Variants in HERC1 observed in about 807,000 individuals in gnomAD.
HERC1 encodes HECT and RLD domain containing E3 ubiquitin protein ligase family member 1, also known as probable E3 ubiquitin-protein ligase HERC1.
Under a neutral mutation model 554.3 loss-of-function variants are expected in HERC1, and 160 were observed. That is an observed-to-expected ratio of 0.29 (90% confidence interval 0.25 to 0.33). HERC1 has a LOEUF of 0.33. HERC1 is among the 10% of genes least tolerant of loss of function. The pLI is 1.00. For missense variants in HERC1, 4,919 were observed against 5,918.5 expected (o/e 0.83, Z 5.54); for synonymous variants, 2,175 against 2,131.7 (o/e 1.02, Z -0.56).
Position 63,690,573 on chromosome 15 carries a change from C to G in HERC1, c.5905G>C (p.Glu1969Gln), listed in dbSNP as rs1198362396. 2 of 1,612,758 alleles carry G rather than the reference C, an allele frequency of 1.2e-6. No homozygotes were observed. Among genetic ancestry groups the G allele is most frequent in the Non-Finnish European group, 1.7e-6 (2 of 1,179,120 alleles). Residue 1969 changes from glutamate (E) to glutamine (Q), a missense_variant, in exon 32 of 78, where the codon GAA becomes CAA. Coordinates refer to ENST00000443617, the MANE Select transcript of HERC1 (RefSeq NM_003922.4). Reference sequence around the variant, plus strand: ...ATTTGATCATCTTCTACACCAGATTCACAAGCTGGCAGCACAGCTTCAAGG... The same window carrying G: ...ATTTGATCATCTTCTACACCAGATTGACAAGCTGGCAGCACAGCTTCAAGG... ...HVLEAVLPAC[E>Q]SGVEDDQMAQ...
Position 63,661,526 on chromosome 15 carries a change from G to T in HERC1, c.9170+227C>A, listed in dbSNP as rs539751238. Among the ~76,000 whole-genome samples, 143 of 152,318 alleles carry T rather than the reference G, an allele frequency of 9.4e-4. 1 individual carries two copies. The highest frequency in any genetic ancestry group is 3.4e-3 in the African/African-American group (140 of 41,578). ...GGTCCTGACCATTACTTGCCAACAA[G>T]TCAGAGGTTAACACAGTCAAACTCC... is the stretch of plus-strand genomic sequence containing the variant. On this transcript the variant is annotated intron_variant, in intron 45 of 77. Coordinates refer to ENST00000443617, the MANE Select transcript of HERC1 (RefSeq NM_003922.4).
intron 1 of HERC1, among the ~76,000 whole-genome samples, chr15:63,824,009 T>G (rs1263596882): frequency 6.6e-6 from 1 of 152,154 alleles, no homozygotes; most frequent in African/African-American, 2.4e-5. Context: ...GAATAGATAT[T>G]TCTCCAAATA....
chr15:63,767,189 G>A (rs2075808522), intron 2 of HERC1, among the ~76,000 whole-genome samples: 1 of 150,394 alleles, frequency 6.6e-6, no homozygotes, highest in African/African-American at 2.4e-5. Context: ...TTTTAGTAGA[G>A]ACAGGGTTTC....
At chr15:63,773,937 T>C (rs1051931619) in intron 2 of HERC1, among the ~76,000 whole-genome samples, 6 of 152,338 alleles carry the variant, frequency 3.9e-5, no homozygotes, top group Admixed American at 3.3e-4. Context: ...TATACTACGC[T>C]ATTTTATTAT....
intron 3 of HERC1, among the ~76,000 whole-genome samples, chr15:63,759,821 G>C (rs980191939): frequency 1.3e-5 from 2 of 152,192 alleles, no homozygotes; most frequent in Non-Finnish European, 2.9e-5. Flanking sequence ...AGAGGATAGG[G>C]TCATCTTGGT....
intron 74 of HERC1, among the ~76,000 whole-genome samples, chr15:63,621,378 T>G (rs1181970203): frequency 6.6e-6 from 1 of 152,230 alleles, no homozygotes; most frequent in Non-Finnish European, 1.5e-5. Flanking sequence ...TAGTCTGATG[T>G]GCTTCCCTTT....
intron 76 of HERC1, among the ~76,000 whole-genome samples, chr15:63,614,551 C>A (rs2067734680): frequency 6.6e-6 from 1 of 152,062 alleles, no homozygotes; most frequent in African/African-American, 2.4e-5. Context: ...GGGACTTGGC[C>A]CAAAGTCTAA....
At chr15:63,630,358 G>T in intron 69 of HERC1, 108 bp downstream of exon 69, 1 of 1,076,058 alleles carries the variant, frequency 9.3e-7, no homozygotes, top group Non-Finnish European at 1.4e-6. Context: ...TGATGTGCTT[G>T]GAGTATTGCA....
rs1459336649 is a variant in HERC1, at chr15:63,718,857, G to A, written c.3783C>T (p.Asp1261=). The change falls in exon 20 of 78, where the codon GAC becomes GAT. Residue 1261 remains aspartate (D), a synonymous_variant. Transcript: ENST00000443617. This position sits in a 1 kb window ranked among gnomAD's most constrained non-coding sequence, Gnocchi z 4.2. ...SATLSNESLL[D]TVSRFVLAAL... ...CTGCAAGAACAAATCTAGACACAGTGTCCAAGAGTGACTCATTACTTAAAG... is the reference window on the plus strand; with the variant it reads ...CTGCAAGAACAAATCTAGACACAGTATCCAAGAGTGACTCATTACTTAAAG... 1 of 1,612,702 alleles carries A rather than the reference G, an allele frequency of 6.2e-7. No individual in the cohort carries two copies. Among genetic ancestry groups the A allele is most frequent in the East Asian group, 2.2e-5 (1 of 44,830 alleles).
Position 63,716,541 on chromosome 15 carries a change from C to T in HERC1, c.3979-68G>A, listed in dbSNP as rs569288513. The T allele has an allele frequency of 1.4e-5, 18 of 1,293,496 alleles. No homozygotes were observed. The East Asian group carries it at 3.8e-4, about 28-fold the overall frequency. The allele number at this position is 1,293,496 out of a possible 1,614,324, so 80.1% of individuals were successfully genotyped here. A position where few individuals can be genotyped will look rare whatever the true frequency, so the allele number is the denominator to read the frequency against. ...AAAATCTTTTTAAAACTTTAAAAAACCTTTAATTTTTTATCATGGAAAATA... is the reference window on the plus strand; with the variant it reads ...AAAATCTTTTTAAAACTTTAAAAAATCTTTAATTTTTTATCATGGAAAATA... On this transcript the variant is annotated intron_variant, in intron 21 of 77. Transcript: ENST00000443617.
chr15:63,722,009 C>T (rs894790557), intron 19 of HERC1, among the ~76,000 whole-genome samples: 3 of 152,078 alleles, frequency 2.0e-5, no homozygotes, highest in East Asian at 3.9e-4. Context: ...TACAGGCACA[C>T]GCCTCCATGA....
chr15:63,744,865 C>T (rs1017710148), intron 12 of HERC1, among the ~76,000 whole-genome samples: 1 of 152,192 alleles, frequency 6.6e-6, no homozygotes, highest in African/African-American at 2.4e-5. Flanking sequence ...TGTGCTGGTA[C>T]CTGAAGCCAG....
At chr15:63,624,743 C>A (rs1341587902) in intron 71 of HERC1, among the ~76,000 whole-genome samples, 1 of 152,150 alleles carries the variant, frequency 6.6e-6, no homozygotes, top group Non-Finnish European at 1.5e-5. Flanking sequence ...TTTAAAAATG[C>A]ACTTTAAGAG....
chr15:63,822,315 G>A (rs750962647), intron 1 of HERC1, among the ~76,000 whole-genome samples: 4 of 152,210 alleles, frequency 2.6e-5, no homozygotes, highest in African/African-American at 9.6e-5. Flanking sequence ...GCCAGGTGCT[G>A]TGGCTCACGC....
At chr15:63,687,949 G>A (rs2071873302) in intron 33 of HERC1, among the ~76,000 whole-genome samples, 1 of 152,228 alleles carries the variant, frequency 6.6e-6, no homozygotes, top group African/African-American at 2.4e-5. Context: ...AGACTATAGT[G>A]AGCAAAAGGG....
chr15:63,672,377 A>G, intron 39 of HERC1, 119 bp downstream of exon 39: 2 of 666,298 alleles, frequency 3.0e-6, no homozygotes, highest in Non-Finnish European at 4.9e-6. Flanking sequence ...ATAATCTCTT[A>G]GTTTCTTTCT....
chr15:63,659,619 AG>A (rs1860010084), intron 47 of HERC1, 116 bp downstream of exon 47: 2 of 718,612 alleles, frequency 2.8e-6, no homozygotes, highest in East Asian at 5.4e-5. Flanking sequence ...TGTTGGGGTG[AG>A]ATAATGTTGA....
chr15:63,743,260 T>C (rs1325018947), intron 12 of HERC1, among the ~76,000 whole-genome samples: 22 of 99,294 alleles, frequency 2.2e-4, no homozygotes, highest in Non-Finnish European at 4.1e-4. Flanking sequence ...TTTTTTTCTT[T>C]TTCTTTTTTT....
intron 34 of HERC1, among the ~76,000 whole-genome samples, chr15:63,681,928 C>T (rs1273149344): frequency 1.3e-5 from 2 of 152,104 alleles, no homozygotes; most frequent in African/African-American, 4.8e-5. Context: ...ATATCCTTAC[C>T]GCATCATTAT....
Sources: allele counts gnomAD v4.1 joint callset (sites outside exome capture counted in the v4.1 genomes callset), GRCh38; gene constraint gnomAD v4.1.1; non-coding constraint Gnocchi (gnomAD v3.1); transcripts MANE v1.5; gene names NCBI Gene and HGNC (gene_info 2026-07-23, HGNC 2026-07-21).